The following ANKMY2 variants were observed in gnomAD, a reference collection of about 807,000 sequenced individuals.
The protein encoded by ANKMY2 is ankyrin repeat and MYND domain-containing protein 2.
A neutral mutation model predicts 50.4 loss-of-function variants in ANKMY2; 36 were observed. The ratio of observed to expected loss-of-function variants is 0.71; its 90% CI spans 0.55 to 0.94. The LOEUF is 0.94. ANKMY2 is among the 40% of genes least tolerant of loss of function. ANKMY2 has a pLI of 0.00. For missense variants in ANKMY2, 565 were observed against 524.0 expected (o/e 1.08, Z -0.76); for synonymous variants, 187 against 178.8 (o/e 1.05, Z -0.36).
intron 1 of ANKMY2, among the ~76,000 whole-genome samples, chr7:16,644,963 C>T (rs879444861): frequency 6.6e-6 from 1 of 152,188 alleles, no homozygotes; most frequent in Non-Finnish European, 1.5e-5. Flanking sequence ...GCCAGGGAGG[C>T]CCTGGATACG....
chr7:16,632,217 T>G (rs1043139452), intron 2 of ANKMY2, among the ~76,000 whole-genome samples: 2 of 151,294 alleles, frequency 1.3e-5, no homozygotes, highest in African/African-American at 4.9e-5. Context: ...TTGATAATTT[T>G]TACTGTTTTT....
chr7:16,641,356 T>TA (rs942225458), intron 1 of ANKMY2, among the ~76,000 whole-genome samples: 5 of 152,190 alleles, frequency 3.3e-5, no homozygotes, highest in Admixed American at 2.0e-4. Flanking sequence ...TTAGACTTTG[T>TA]AAAAAAATGA....
At chr7:16,622,179 T>G (rs17382514) in intron 4 of ANKMY2, among the ~76,000 whole-genome samples, 1 of 151,886 alleles carries the variant, frequency 6.6e-6, no homozygotes, top group Non-Finnish European at 1.5e-5. Context: ...TGGATTTGTA[T>G]GCATAAAGCT....
At position 16,627,061 on chromosome 7, in the gene ANKMY2, G is replaced by A; in HGVS notation, c.250C>T (p.Leu84Phe). ...TCACCAGAAAGTGCAGCAAACATGA[G>A]GGCTGTGTATCCATGTTCATGCTGA... is the stretch of plus-strand genomic sequence containing the variant. ...CHQHEHGYTA[L>F]MFAALSGNKD... Residue 84 changes from leucine (L) to phenylalanine (F), a missense_variant, in exon 3 of 10, where the codon CTC (leucine) becomes TTC (phenylalanine). Transcript: ENST00000306999. 6.2e-7 allele frequency: 1 copy of A among 1,606,442 alleles called. No individual in the cohort carries two copies.
At chr7:16,632,229 C>CTGTTTTATTGT (rs765805827) in intron 2 of ANKMY2, among the ~76,000 whole-genome samples, 3 of 150,066 alleles carry the variant, frequency 2.0e-5, no homozygotes, top group Non-Finnish European at 3.0e-5. Flanking sequence ...ACTGTTTTTT[C>CTGTTTTATTGT]TTTCCTGTTT....
At chr7:16,616,459 G>C (rs541422060) in intron 4 of ANKMY2, among the ~76,000 whole-genome samples, 2 of 152,170 alleles carry the variant, frequency 1.3e-5, no homozygotes, top group African/African-American at 4.8e-5. Context: ...CCACATCGTG[G>C]CTTTGCATAG....
rs574000070 is a variant in ANKMY2 at position 16,606,267 on chromosome 7, C to G, written c.883-1418G>C. ...CCAACTTGGTGAAGCCCCGACTCTACTGAAAATACAAAAATTAGCCAGGCA... is the reference window on the plus strand; with the variant it reads ...CCAACTTGGTGAAGCCCCGACTCTAGTGAAAATACAAAAATTAGCCAGGCA... On this transcript the variant is annotated intron_variant, in intron 7 of 9. Coordinates refer to ENST00000306999, the MANE Select transcript of ANKMY2 (RefSeq NM_020319.3). 2.6e-5 allele frequency among the ~76,000 whole-genome samples: 4 copies of G among 152,138 alleles called. No homozygotes were observed. In the South Asian group the frequency reaches 8.3e-4, roughly 32 times the overall value.
chr7:16,616,987 C>T (rs948354279), intron 4 of ANKMY2, among the ~76,000 whole-genome samples: 3 of 152,186 alleles, frequency 2.0e-5, no homozygotes, highest in African/African-American at 7.2e-5. Context: ...GAGTGGCAGG[C>T]TTCATCCTTG....
chr7:16,605,258 T>C (rs1377932864), intron 7 of ANKMY2, among the ~76,000 whole-genome samples: 2 of 152,218 alleles, frequency 1.3e-5, no homozygotes, highest in African/African-American at 4.8e-5. Context: ...AATGTTTAAC[T>C]GTCTTAATTC....
chr7:16,616,451 A>G (rs1050640327), intron 4 of ANKMY2, among the ~76,000 whole-genome samples: 9 of 151,366 alleles, frequency 5.9e-5, no homozygotes, highest in African/African-American at 1.9e-4. Context: ...CTTGGAATCC[A>G]CATCGTGGCT....
Position 16,606,297 on chromosome 7 carries a change from G to A in ANKMY2, c.883-1448C>T, listed in dbSNP as rs190963205. Among the ~76,000 whole-genome samples, 662 of 152,164 alleles carry A rather than the reference G, an allele frequency of 4.4e-3. 6 individuals carry two copies. The highest frequency in any genetic ancestry group is 0.015 in the African/African-American group (642 of 41,532). On this transcript the variant is annotated intron_variant, in intron 7 of 9. Coordinates refer to ENST00000306999, the MANE Select transcript of ANKMY2 (RefSeq NM_020319.3). ...AATACAAAAATTAGCCAGGCATGGT[G>A]GCACGCCTGTAGTCCCAGCTACTTG... is the stretch of plus-strand genomic sequence containing the variant.
At chr7:16,618,035 C>G (rs1781382997) in intron 4 of ANKMY2, among the ~76,000 whole-genome samples, 1 of 149,116 alleles carries the variant, frequency 6.7e-6, no homozygotes, top group Non-Finnish European at 1.5e-5. Context: ...TCAAGCAATT[C>G]TCCTGACTCA....
intron 8 of ANKMY2, 26 bp downstream of exon 8, chr7:16,604,695 T>C (rs117183796): frequency 6.2e-7 from 1 of 1,608,852 alleles, no homozygotes. Flanking sequence ...CAGAGGTCAA[T>C]GAAATAAAAA....
intron 5 of ANKMY2, among the ~76,000 whole-genome samples, chr7:16,614,909 G>A (rs542454748): frequency 6.6e-5 from 10 of 152,310 alleles, no homozygotes; most frequent in African/African-American, 2.4e-4. Context: ...ACATGTAGCT[G>A]TGTAGTTTTC....
chr7:16,643,093 C>G (rs1781766632), intron 1 of ANKMY2, among the ~76,000 whole-genome samples: 1 of 152,164 alleles, frequency 6.6e-6, no homozygotes, highest in Non-Finnish European at 1.5e-5. Context: ...ACTATACTAA[C>G]TACTTTCATC....
chr7:16,608,915 C>T (rs375688568), intron 7 of ANKMY2, among the ~76,000 whole-genome samples: 42 of 152,216 alleles, frequency 2.8e-4, no homozygotes, highest in Middle Eastern at 6.9e-3. Context: ...GCAGGAGAAT[C>T]GCTTGAACCT....
chr7:16,613,939 A>AAT (rs1465277860), intron 5 of ANKMY2, among the ~76,000 whole-genome samples: 1 of 151,558 alleles, frequency 6.6e-6, no homozygotes, highest in Non-Finnish European at 1.5e-5. Context: ...AAAAAAAAAA[A>AAT]ATTCCACAAA....
chr7:16,608,861 C>T (rs775248757), intron 7 of ANKMY2, among the ~76,000 whole-genome samples: 10 of 151,986 alleles, frequency 6.6e-5, no homozygotes, highest in Non-Finnish European at 1.3e-4. Flanking sequence ...ATTAGCTGGG[C>T]GTGGTGGCGC....
intron 2 of ANKMY2, among the ~76,000 whole-genome samples, chr7:16,632,921 C>T (rs535878952): frequency 6.6e-6 from 1 of 152,280 alleles, no homozygotes; most frequent in East Asian, 1.9e-4. Context: ...CCTGCTATAC[C>T]ACCTTTCTGA....
Sources: allele counts gnomAD v4.1 joint callset (sites outside exome capture counted in the v4.1 genomes callset), GRCh38; gene constraint gnomAD v4.1.1; transcripts MANE v1.5; gene names NCBI Gene and HGNC (gene_info 2026-07-23, HGNC 2026-07-21).